Variants in FAM107B observed in about 807,000 individuals in gnomAD.
The protein encoded by FAM107B is family with sequence similarity 107 member B.
A neutral mutation model predicts 31.5 loss-of-function variants in FAM107B; 21 were observed. The observed-to-expected ratio is 0.67, with a 90% confidence interval of 0.47 to 0.96. The LOEUF (loss-of-function observed/expected upper bound fraction) is 0.96, where lower values mean the gene tolerates loss of function less well. Ranked by LOEUF, FAM107B falls within the 40% of genes least tolerant of loss-of-function variation. The probability of loss-of-function intolerance (pLI) is 0.00; values close to 1 mark genes in which losing one functional copy is unlikely to be tolerated. For missense variants in FAM107B, 452 were observed against 377.1 expected (o/e 1.20, Z -1.64); for synonymous variants, 157 against 141.5 (o/e 1.11, Z -0.78).
At chr10:14,594,101 T>G (rs933288715) in intron 2 of FAM107B, among the ~76,000 whole-genome samples, 8 of 152,258 alleles carry the variant, frequency 5.3e-5, no homozygotes, top group Admixed American at 2.6e-4. Flanking sequence ...TATGTGTTTT[T>G]AATTTGGTGC....
At chr10:14,549,010 G>A (rs760175993) in intron 2 of FAM107B, among the ~76,000 whole-genome samples, 1 of 152,144 alleles carries the variant, frequency 6.6e-6, no homozygotes, top group East Asian at 1.9e-4. Context: ...GAGGAAAAGA[G>A]ACCAGAGCTC....
intron 2 of FAM107B, among the ~76,000 whole-genome samples, chr10:14,549,119 GGC>G (rs1161500245): frequency 2.0e-5 from 3 of 152,154 alleles, no homozygotes; most frequent in Non-Finnish European, 4.4e-5. Context: ...CCAATCTGCT[GGC>G]ACCTTGATCT....
chr10:14,693,717 T>C (rs1263144801), intron 1 of FAM107B, among the ~76,000 whole-genome samples: 1 of 152,176 alleles, frequency 6.6e-6, no homozygotes, highest in Non-Finnish European at 1.5e-5. Flanking sequence ...CCTACGTATC[T>C]GCTACTTTGT....
chr10:14,723,501 C>T, intron 1 of FAM107B: 1 of 598,350 alleles, frequency 1.7e-6, no homozygotes. Flanking sequence ...TGGTACCACA[C>T]ATGCACAAAA....
intron 1 of FAM107B, among the ~76,000 whole-genome samples, chr10:14,769,315 A>G (rs1295154949): frequency 6.6e-6 from 1 of 152,186 alleles, no homozygotes; most frequent in African/African-American, 2.4e-5. Context: ...AACCTGTTCC[A>G]AAAATCAATG....
At chr10:14,753,242 C>T (rs911362417) in intron 1 of FAM107B, among the ~76,000 whole-genome samples, 1 of 152,184 alleles carries the variant, frequency 6.6e-6, no homozygotes, top group Non-Finnish European at 1.5e-5. Flanking sequence ...CTCAGAAACA[C>T]ACATACATAT....
At chr10:14,668,340 G>C (rs1854461133) in intron 1 of FAM107B, among the ~76,000 whole-genome samples, 1 of 152,142 alleles carries the variant, frequency 6.6e-6, no homozygotes, top group Admixed American at 6.5e-5. Context: ...ACCACACCAG[G>C]CCAGGTTTTT....
intron 3 of FAM107B, among the ~76,000 whole-genome samples, chr10:14,529,364 C>T (rs7918464): frequency 0.63 from 95,636 of 152,004 alleles, 30,153 homozygotes; most frequent in Admixed American, 0.67. Flanking sequence ...GAGGGAGAAA[C>T]GTATTTACAA....
At chr10:14,758,033 T>C (rs1457134816) in intron 1 of FAM107B, among the ~76,000 whole-genome samples, 1 of 152,170 alleles carries the variant, frequency 6.6e-6, no homozygotes, top group East Asian at 1.9e-4. Flanking sequence ...CCAATTCTCT[T>C]TGCAAGATAG....
At chr10:14,614,565 C>T (rs1168404635) in intron 2 of FAM107B, among the ~76,000 whole-genome samples, 2 of 150,492 alleles carry the variant, frequency 1.3e-5, no homozygotes, top group Non-Finnish European at 3.0e-5. Flanking sequence ...CCCAGCTACT[C>T]GGGAGACTGA....
intron 1 of FAM107B, among the ~76,000 whole-genome samples, chr10:14,736,586 C>T (rs1477298368): frequency 6.6e-6 from 1 of 152,158 alleles, no homozygotes; most frequent in African/African-American, 2.4e-5. Context: ...AACACATTAT[C>T]ACTCAATCTC....
chr10:14,580,938 C>G (rs1851615430), intron 2 of FAM107B, among the ~76,000 whole-genome samples: 1 of 152,228 alleles, frequency 6.6e-6, no homozygotes, highest in African/African-American at 2.4e-5. Context: ...AACTCTTACT[C>G]TGTTGCTTTG....
intron 2 of FAM107B, among the ~76,000 whole-genome samples, chr10:14,629,521 A>ATATTT (rs1172189422): frequency 3.1e-5 from 3 of 97,816 alleles, no homozygotes; most frequent in East Asian, 2.8e-4. Context: ...ATATATATAT[A>ATATTT]TTTTTTTTTG....
chr10:14,697,014 T>C (rs1855281533), intron 1 of FAM107B, among the ~76,000 whole-genome samples: 1 of 152,092 alleles, frequency 6.6e-6, no homozygotes, highest in East Asian at 1.9e-4. Flanking sequence ...TTTATTCAGA[T>C]GATGTCTGAT....
intron 1 of FAM107B, among the ~76,000 whole-genome samples, chr10:14,753,104 A>G (rs1179034493): frequency 6.6e-6 from 1 of 152,232 alleles, no homozygotes; most frequent in Non-Finnish European, 1.5e-5. Context: ...TATTTATGGC[A>G]TTACCAAAAA....
intron 1 of FAM107B, among the ~76,000 whole-genome samples, chr10:14,686,392 C>CAA (rs61066393): frequency 0.18 from 22,305 of 125,442 alleles, 1,971 homozygotes; most frequent in Middle Eastern, 0.31. Context: ...CTGCATGTCT[C>CAA]AAAAAAAAAA....
chr10:14,754,442 A>G (rs989573079), intron 1 of FAM107B, among the ~76,000 whole-genome samples: 10 of 152,204 alleles, frequency 6.6e-5, no homozygotes, highest in African/African-American at 2.4e-4. Flanking sequence ...CTTAAACACG[A>G]GGACAACAGA....
At chr10:14,763,301 C>T (rs1833094660) in intron 1 of FAM107B, among the ~76,000 whole-genome samples, 1 of 152,120 alleles carries the variant, frequency 6.6e-6, no homozygotes, top group Non-Finnish European at 1.5e-5. Context: ...ATTCTGGTGA[C>T]TTTGTTCAGT....
At chr10:14,620,591 T>C (rs1412145885) in intron 2 of FAM107B, among the ~76,000 whole-genome samples, 1 of 152,172 alleles carries the variant, frequency 6.6e-6, no homozygotes, top group Non-Finnish European at 1.5e-5. Flanking sequence ...TGCAGGTTTC[T>C]TACATAGGTA....
Sources: gnomAD v4.1 joint callset for allele counts (sites outside exome capture counted in the v4.1 genomes callset) on GRCh38, gnomAD v4.1.1 for gene constraint, MANE v1.5 for transcripts, NCBI Gene and HGNC (gene_info 2026-07-23, HGNC 2026-07-21) for gene names.